ATF7IP: variants seen among roughly 807,000 people sequenced by gnomAD.
ATF7IP encodes the protein activating transcription factor 7 interacting protein.
ATF7IP carries 23 observed loss-of-function variants against 106.4 expected under a neutral mutation model. That is an observed-to-expected ratio of 0.22 (90% CI 0.16 to 0.31). ATF7IP has a LOEUF of 0.31. ATF7IP is among the 10% of genes least tolerant of loss of function. The pLI is 1.00. For missense variants in ATF7IP, 1,334 were observed against 1,524.3 expected (o/e 0.88, Z 2.08); for synonymous variants, 542 against 539.0 (o/e 1.01, Z -0.08).
At position 14,423,895 on chromosome 12, in the gene ATF7IP, C is replaced by T; in HGVS notation, c.-7-14C>T. ...GTTTCAGTTATTAAACTCTCTTTCTCTTTTTTCTTAAAGATTCAGAATGGA... is the reference window on the plus strand; with the variant it reads ...GTTTCAGTTATTAAACTCTCTTTCTTTTTTTTCTTAAAGATTCAGAATGGA... On this transcript the variant is annotated splice_polypyrimidine_tract_variant and intron_variant, in intron 1 of 14. Transcript: ENST00000261168. 6.4e-7 allele frequency: 1 copy of T among 1,553,726 alleles called. No homozygotes were observed. The highest frequency in any genetic ancestry group is 8.7e-7 in the Non-Finnish European group (1 of 1,156,010).
intron 5 of ATF7IP, among the ~76,000 whole-genome samples, chr12:14,445,136 G>A (rs564296843): frequency 2.6e-4 from 39 of 151,660 alleles, no homozygotes; most frequent in Middle Eastern, 3.4e-3. Context: ...GACTACAGGC[G>A]CGCGCCACCA....
chr12:14,403,574 A>G (rs564490120), intron 1 of ATF7IP, among the ~76,000 whole-genome samples: 16 of 152,316 alleles, frequency 1.1e-4, no homozygotes, highest in African/African-American at 3.6e-4. Flanking sequence ...TTACCAGTCA[A>G]ATGGCTTCAG....
intron 1 of ATF7IP, among the ~76,000 whole-genome samples, chr12:14,402,059 A>C (rs1316130371): frequency 6.7e-6 from 1 of 149,346 alleles, no homozygotes; most frequent in Non-Finnish European, 1.5e-5. Context: ...ATCTAGGTGG[A>C]ATTTTCTTTT....
At chr12:14,486,299 A>G (rs777969419) in intron 13 of ATF7IP, among the ~76,000 whole-genome samples, 2 of 152,322 alleles carry the variant, frequency 1.3e-5, no homozygotes, top group South Asian at 4.1e-4. Context: ...GCTCAGAACC[A>G]GTGTCCAGTA....
At chr12:14,469,230 C>T (rs1943947249) in intron 10 of ATF7IP, among the ~76,000 whole-genome samples, 2 of 151,764 alleles carry the variant, frequency 1.3e-5, no homozygotes, top group Non-Finnish European at 1.5e-5. Flanking sequence ...CGTGGTGGTG[C>T]ACGCTTGTAA....
chr12:14,408,163 T>C (rs1005070668), intron 1 of ATF7IP, among the ~76,000 whole-genome samples: 5 of 151,770 alleles, frequency 3.3e-5, no homozygotes, highest in African/African-American at 1.2e-4. Flanking sequence ...GACAGTGGCA[T>C]GTTTCTTGAA....
rs1371812833 is a variant in ATF7IP at position 14,475,951 on chromosome 12, A to G, written c.2924A>G (p.Glu975Gly). ...ATTGATCTCACAATGGATGATGAAG[A>G]GAGTGGAGCTTCACAAGGTACTTCA... is the stretch of plus-strand genomic sequence containing the variant. ...GVIDLTMDDE[E>G]SGASQDPKKL... The change falls in exon 11 of 15, where the codon GAG becomes GGG. Residue 975 changes from glutamate (E) to glycine (G), a missense_variant. By Grantham distance (98) the Glu-to-Gly change is moderately conservative. This residue lies in a region of ATF7IP where 370 missense variants were observed against 401.2 expected (regional missense o/e 0.92). Coordinates refer to ENST00000261168, the MANE Select transcript of ATF7IP (RefSeq NM_018179.5). The G allele has an allele frequency of 6.2e-7, 1 of 1,613,666 alleles. No homozygotes were observed. The highest frequency in any genetic ancestry group is 8.5e-7 in the Non-Finnish European group (1 of 1,179,628).
chr12:14,455,467 TAAG>T (rs966728094), intron 6 of ATF7IP, among the ~76,000 whole-genome samples: 4 of 152,322 alleles, frequency 2.6e-5, no homozygotes, highest in African/African-American at 9.6e-5. Flanking sequence ...TATTTGTTGT[TAAG>T]AAGAGTGATT....
chr12:14,424,740 C>T lies in ATF7IP; in HGVS notation c.825C>T (p.Ala275=). 6.2e-7 allele frequency: 1 copy of T among 1,614,132 alleles called. No homozygotes were observed. Among genetic ancestry groups the T allele is most frequent in the Non-Finnish European group, 8.5e-7 (1 of 1,180,020 alleles). Residue 275 remains alanine (A), a synonymous_variant, in exon 2 of 15, where the codon GCC becomes GCT. Coordinates refer to ENST00000261168, the MANE Select transcript of ATF7IP (RefSeq NM_018179.5). ...ATGATCTGGCCACTGGTGAACTGGC[C>T]TCTGATGAGCTGACTTCTGAATCAA... ...ASDDLATGEL[A]SDELTSESTF...
Position 14,461,027 on chromosome 12 carries a change from C to T in ATF7IP, c.2691C>T (p.Leu897=), listed in dbSNP as rs1043977583. ...TSLPTVGPSG[L]YSPSTNRGPI... ...TACCCACAGTGGGCCCATCAGGACT[C>T]TATAGTCCATCAACTAATCGAGGTC... Residue 897 remains leucine (L), a synonymous_variant, in exon 9 of 15, where the codon CTC becomes CTT. Coordinates refer to ENST00000261168, the MANE Select transcript of ATF7IP (RefSeq NM_018179.5). The T allele has an allele frequency of 1.2e-6, 2 of 1,614,024 alleles. No homozygotes were observed. The highest frequency in any genetic ancestry group is 2.7e-5 in the African/African-American group (2 of 74,918).
chr12:14,438,095 T>G, intron 4 of ATF7IP, 35 bp from the exon 5 acceptor site: 1 of 1,599,294 alleles, frequency 6.3e-7, no homozygotes, highest in Non-Finnish European at 8.5e-7. Flanking sequence ...CTGGAATGCC[T>G]TCTTGGCATA....
At chr12:14,409,872 A>G (rs1940809713) in intron 1 of ATF7IP, among the ~76,000 whole-genome samples, 1 of 152,178 alleles carries the variant, frequency 6.6e-6, no homozygotes, top group Admixed American at 6.5e-5. Flanking sequence ...TTAAAAATAA[A>G]TGAAAAACAC....
intron 13 of ATF7IP, chr12:14,482,057 G>T (rs1944448414): frequency 6.6e-6 from 1 of 152,158 alleles, no homozygotes; most frequent in Admixed American, 6.5e-5. Context: ...TTAAAGTAAA[G>T]AAAAATAATA....
At chr12:14,466,098 A>G (rs974102097) in intron 9 of ATF7IP, 5 of 155,418 alleles carry the variant, frequency 3.2e-5, no homozygotes, top group East Asian at 1.9e-4. Flanking sequence ...ACTGAGAAAT[A>G]CACATGTGTA....
intron 11 of ATF7IP, among the ~76,000 whole-genome samples, chr12:14,477,186 A>G (rs933045390): frequency 1.3e-5 from 2 of 152,210 alleles, no homozygotes; most frequent in East Asian, 3.8e-4. Context: ...AAAACACCCA[A>G]ATATTTTAAA....
intron 10 of ATF7IP, among the ~76,000 whole-genome samples, chr12:14,471,170 C>G (rs1352574600): frequency 6.6e-6 from 1 of 152,048 alleles, no homozygotes; most frequent in Non-Finnish European, 1.5e-5. Flanking sequence ...TACTTTTACA[C>G]AAATTAAATA....
intron 1 of ATF7IP, among the ~76,000 whole-genome samples, chr12:14,408,869 G>C (rs1940751942): frequency 6.6e-6 from 1 of 152,032 alleles, no homozygotes; most frequent in South Asian, 2.1e-4. Context: ...AATTATTTTA[G>C]ATGTCAGTTA....
intron 11 of ATF7IP, among the ~76,000 whole-genome samples, chr12:14,477,256 A>T (rs1291879278): frequency 2.6e-5 from 4 of 152,234 alleles, no homozygotes; most frequent in African/African-American, 9.6e-5. Context: ...AAATAGCTGT[A>T]CAACTGATTA....
chr12:14,473,076 G>A (rs1159702634), intron 10 of ATF7IP, among the ~76,000 whole-genome samples: 1 of 151,968 alleles, frequency 6.6e-6, no homozygotes, highest in East Asian at 1.9e-4. Flanking sequence ...CTACATTTTG[G>A]TCGGAGTTTT....
Sources: allele counts gnomAD v4.1 joint callset (sites outside exome capture counted in the v4.1 genomes callset), GRCh38; gene constraint gnomAD v4.1.1; regional missense constraint gnomAD v4.1.1; transcripts MANE v1.5; gene names NCBI Gene and HGNC (gene_info 2026-07-23, HGNC 2026-07-21).